RLF: variants seen among roughly 807,000 people sequenced by gnomAD.
RLF encodes the protein RLF zinc finger.
In RLF, 7 loss-of-function variants were observed where a neutral mutation model predicts 162.9. That is an observed-to-expected ratio of 0.04 (90% confidence interval 0.02 to 0.08). The LOEUF (loss-of-function observed/expected upper bound fraction) is 0.08, where lower values mean the gene tolerates loss of function less well. Ranked by LOEUF, RLF falls within the 10% of genes least tolerant of loss-of-function variation. The pLI, the probability that RLF is intolerant of heterozygous loss-of-function variation, is 1.00. For synonymous variants in RLF, 782 were observed against 791.5 expected (o/e 0.99, Z 0.20); for missense variants, 1,664 against 2,244.7 (o/e 0.74, Z 5.23).
intron 6 of RLF, among the ~76,000 whole-genome samples, chr1:40,225,740 T>TG (rs921865600): frequency 6.7e-6 from 1 of 149,056 alleles, no homozygotes; most frequent in Admixed American, 6.7e-5. Flanking sequence ...GCCGACCTGG[T>TG]GGCGGGCGTG....
At position 40,189,221 on chromosome 1, in the gene RLF, A is replaced by T. The variant is rs1243894737; in HGVS notation, c.392+12A>T. On this transcript the variant is annotated intron_variant, in intron 2 of 7. Coordinates refer to ENST00000372771, the MANE Select transcript of RLF (RefSeq NM_012421.4). Reference sequence around the variant, plus strand: ...GGCAGATTAGTACTGTAAGTTTGAGAACTTAAATCACTCTTAAAATTGAGT... The same window carrying T: ...GGCAGATTAGTACTGTAAGTTTGAGTACTTAAATCACTCTTAAAATTGAGT... The T allele has an allele frequency of 1.9e-6, 3 of 1,605,594 alleles. No individual in the cohort carries two copies. The Admixed American group carries it at 5.1e-5, about 27-fold the overall frequency.
At chr1:40,201,354 G>C (rs936016024) in intron 4 of RLF, among the ~76,000 whole-genome samples, 1 of 151,582 alleles carries the variant, frequency 6.6e-6, no homozygotes, top group East Asian at 1.9e-4. Flanking sequence ...GGCCGGGTGC[G>C]GTGGCTCATG....
intron 6 of RLF, among the ~76,000 whole-genome samples, chr1:40,227,315 C>T (rs1643090298): frequency 6.6e-6 from 1 of 152,164 alleles, no homozygotes; most frequent in African/African-American, 2.4e-5. Flanking sequence ...ACAGTGGAAT[C>T]ATTTTCCATG....
chr1:40,236,839 AGAG>A lies in RLF; in HGVS notation c.2138_2140del (p.Arg713_Glu714delinsLys). On this transcript the variant is annotated inframe_deletion, in exon 8 of 8. Transcript: ENST00000372771. This position sits in a 1 kb window ranked among gnomAD's most constrained non-coding sequence, Gnocchi z 7.7. ...GCACTACTTGGATATGAAAAATAGA[AGAG>A]AGAAGTGTACTTACTGTCGACGACA... The A allele has an allele frequency of 6.2e-7, 1 of 1,614,180 alleles. No individual in the cohort carries two copies. Among genetic ancestry groups the A allele is most frequent in the Non-Finnish European group, 8.5e-7 (1 of 1,180,006 alleles).
At chr1:40,163,505 AT>A (rs1642124473) in intron 1 of RLF, among the ~76,000 whole-genome samples, 1 of 152,196 alleles carries the variant, frequency 6.6e-6, no homozygotes, top group South Asian at 2.1e-4. Context: ...GTTTAAGGTA[AT>A]GTTTTAATGT....
chr1:40,236,027 A>C lies in RLF; in HGVS notation c.1325A>C (p.Glu442Ala), dbSNP rs200019222. The C allele has an allele frequency of 3.4e-5, 55 of 1,613,382 alleles. No individual in the cohort carries two copies. The East Asian group carries it at 1.1e-3, about 33-fold the overall frequency. ...LYLQPDQKFD[E>A]ENAPVPNSLR... is the part of the protein sequence containing the mutation. ...TTGCAACCAGATCAAAAATTTGATG[A>C]AGAAAATGCACCGGTTCCAAATTCT... Residue 442 changes from glutamate to alanine, a missense_variant, in exon 8 of 8, where the codon GAA becomes GCA. Glu to Ala is a moderately radical substitution (Grantham distance 107, BLOSUM62 -1). Coordinates refer to ENST00000372771, the MANE Select transcript of RLF (RefSeq NM_012421.4). The surrounding 1 kb of genome is among the most constrained non-coding windows in gnomAD (Gnocchi z 7.7).
At chr1:40,197,840 A>G (rs1388629151) in intron 4 of RLF, among the ~76,000 whole-genome samples, 2 of 152,172 alleles carry the variant, frequency 1.3e-5, no homozygotes, top group Non-Finnish European at 2.9e-5. Flanking sequence ...AGCTTTCTTT[A>G]TATCTCTGCT....
chr1:40,161,496 A>G lies in RLF; in HGVS notation c.97A>G (p.Met33Val), dbSNP rs756236582. Reference protein sequence around the residue: ...GAGDGVETESMVRGHRPVSPA... With the variant: ...GAGDGVETESVVRGHRPVSPA... ...CGGAGATGGAGTCGAGACTGAGTCCATGGTTCGGGGTCATCGCCCCGTATC... is the reference window on the plus strand; with the variant it reads ...CGGAGATGGAGTCGAGACTGAGTCCGTGGTTCGGGGTCATCGCCCCGTATC... Residue 33 changes from methionine to valine, a missense_variant, in exon 1 of 8, where the codon ATG becomes GTG. Physicochemically the swap from Met to Val is conservative, Grantham distance 21. This residue lies in a region of RLF where 134 missense variants were observed against 124.3 expected (regional missense o/e 1.08). Transcript: ENST00000372771. This position sits in a 1 kb window ranked among gnomAD's most constrained non-coding sequence, Gnocchi z 4.4. 5 of 1,600,374 alleles carry G rather than the reference A, an allele frequency of 3.1e-6. No individual in the cohort carries two copies. In the South Asian group the frequency reaches 4.5e-5, roughly 14 times the overall value.
At chr1:40,174,286 G>A (rs1222155103) in intron 1 of RLF, among the ~76,000 whole-genome samples, 9 of 151,962 alleles carry the variant, frequency 5.9e-5, no homozygotes, top group Non-Finnish European at 8.8e-5. Context: ...CAGGAGAATC[G>A]CTTGAACCCT....
chr1:40,181,121 A>G (rs1642399961), intron 1 of RLF, among the ~76,000 whole-genome samples: 2 of 152,146 alleles, frequency 1.3e-5, no homozygotes, highest in African/African-American at 4.8e-5. Context: ...GGTTTTCCTA[A>G]CATTGTTGAA....
chr1:40,163,950 A>T lies in RLF; in HGVS notation c.237+2314A>T, dbSNP rs372215693. 8.5e-5 allele frequency among the ~76,000 whole-genome samples: 13 copies of T among 152,354 alleles called. 1 individual carries two copies. The highest frequency in any genetic ancestry group is 3.9e-4 in the East Asian group (2 of 5,190). On this transcript the variant is annotated intron_variant, in intron 1 of 7. Transcript: ENST00000372771. ...CAGATAGAGAAAAAGTAAAAATTGTATGAAGAAGCAGGAAAATTTTCACCA... is the reference window on the plus strand; with the variant it reads ...CAGATAGAGAAAAAGTAAAAATTGTTTGAAGAAGCAGGAAAATTTTCACCA...
rs1466216273 is a variant in RLF at position 40,170,097 on chromosome 1, T to C, written c.237+8461T>C. Among the ~76,000 whole-genome samples the C allele has an allele frequency of 2.6e-5, 4 of 152,218 alleles. No individual in the cohort carries two copies. The East Asian group carries it at 7.7e-4, about 29-fold the overall frequency. ...ACCAGGTCTAGAACATTTTGCCATA[T>C]TCTAAAGCCTTTATCAGCTCAAGAG... On this transcript the variant is annotated intron_variant, in intron 1 of 7. Transcript: ENST00000372771.
intron 1 of RLF, among the ~76,000 whole-genome samples, chr1:40,179,374 A>G (rs908009657): frequency 9.8e-5 from 15 of 152,300 alleles, no homozygotes; most frequent in African/African-American, 3.4e-4. Context: ...TCCAGATTTA[A>G]GAAGTATTGT....
intron 1 of RLF, among the ~76,000 whole-genome samples, chr1:40,162,947 A>G (rs1011724426): frequency 6.6e-6 from 1 of 152,204 alleles, no homozygotes; most frequent in Non-Finnish European, 1.5e-5. Context: ...TGCTGGGGAA[A>G]CATGAGTAAG....
In RLF at chr1:40,237,802, A is replaced by C. The variant is rs1643237354; in HGVS notation, c.3100A>C (p.Lys1034Gln). Residue 1034 changes from lysine to glutamine, a missense_variant, in exon 8 of 8, where the codon AAA becomes CAA. Lys to Gln is a moderately conservative substitution (Grantham distance 53). Around this residue, in one of 15 missense-constraint regions of RLF, gnomAD observed 295 missense variants for 317.4 expected, o/e 0.93. Transcript: ENST00000372771. The surrounding 1 kb of genome is among the most constrained non-coding windows in gnomAD (Gnocchi z 4.4). ...AGGTCTAGATCACAATATTCACATT[A>C]AATGTAAACGAGAACATCAAGGTTA... ...DEGLDHNIHI[K>Q]CKREHQGYSS... is the part of the protein sequence containing the mutation. 6.2e-7 allele frequency: 1 copy of C among 1,614,046 alleles called. No homozygotes were observed. The highest frequency in any genetic ancestry group is 8.5e-7 in the Non-Finnish European group (1 of 1,180,014).
intron 3 of RLF, among the ~76,000 whole-genome samples, chr1:40,192,976 A>T (rs1642579135): frequency 6.6e-6 from 1 of 152,264 alleles, no homozygotes. Context: ...AATCATGGAC[A>T]TACATCTAAG....
At chr1:40,204,595 AT>A (rs1332294409) in intron 5 of RLF, among the ~76,000 whole-genome samples, 4 of 150,402 alleles carry the variant, frequency 2.7e-5, no homozygotes, top group Non-Finnish European at 5.9e-5. Flanking sequence ...TTTATTTTTT[AT>A]TTTTTTGGAG....
intron 4 of RLF, among the ~76,000 whole-genome samples, chr1:40,199,409 G>T (rs778547677): frequency 1.3e-5 from 2 of 152,194 alleles, no homozygotes; most frequent in Non-Finnish European, 2.9e-5. Context: ...AGTCTTATCT[G>T]CATTTCTAGT....
chr1:40,201,353 C>T (rs1270175971), intron 4 of RLF, among the ~76,000 whole-genome samples: 2 of 151,700 alleles, frequency 1.3e-5, no homozygotes, highest in Admixed American at 1.3e-4. Context: ...CGGCCGGGTG[C>T]GGTGGCTCAT....
Sources: gnomAD v4.1 joint callset for allele counts (sites outside exome capture counted in the v4.1 genomes callset) on GRCh38, gnomAD v4.1.1 for gene constraint, gnomAD v4.1.1 regional missense constraint, Gnocchi (gnomAD v3.1) non-coding constraint, MANE v1.5 for transcripts, NCBI Gene and HGNC (gene_info 2026-07-23, HGNC 2026-07-21) for gene names.